GAB2: variants seen among roughly 807,000 people sequenced by gnomAD.
The protein encoded by GAB2 is GRB2 associated binding protein 2.
GAB2 carries 26 observed loss-of-function variants against 65.5 expected under a neutral mutation model. The observed-to-expected ratio is 0.40, with a 90% CI of 0.29 to 0.55. The LOEUF is 0.55. GAB2 is among the 20% of genes least tolerant of loss of function. The pLI is 0.53. For missense variants in GAB2, 884 were observed against 875.8 expected (o/e 1.01, Z -0.12); for synonymous variants, 321 against 329.6 (o/e 0.97, Z 0.28).
intron 1 of GAB2, among the ~76,000 whole-genome samples, chr11:78,355,612 G>C: frequency 6.7e-6 from 1 of 149,236 alleles, no homozygotes; most frequent in African/African-American, 2.5e-5. Context: ...AGGAGTCCGA[G>C]GCTATAGTGA....
chr11:78,283,021 T>C (rs1866374386), intron 1 of GAB2, among the ~76,000 whole-genome samples: 1 of 152,228 alleles, frequency 6.6e-6, no homozygotes, highest in Admixed American at 6.5e-5. Flanking sequence ...GAAAATCATA[T>C]GACCATGCTG....
At chr11:78,236,608 G>A (rs893402066) in intron 3 of GAB2, among the ~76,000 whole-genome samples, 4 of 152,196 alleles carry the variant, frequency 2.6e-5, no homozygotes, top group Non-Finnish European at 5.9e-5. Context: ...GGGTTCCTTA[G>A]AAGTCCTTTA....
intron 2 of GAB2, among the ~76,000 whole-genome samples, chr11:78,269,664 T>TA (rs1865961577): frequency 6.6e-6 from 1 of 152,212 alleles, no homozygotes. Flanking sequence ...ACCCAGGACT[T>TA]AAAATAATTT....
chr11:78,378,819 T>C (rs963742721), intron 1 of GAB2, among the ~76,000 whole-genome samples: 4 of 152,218 alleles, frequency 2.6e-5, no homozygotes, highest in Non-Finnish European at 4.4e-5. Flanking sequence ...CCAAATCATA[T>C]GGCAGAATAG....
At chr11:78,291,592 G>A (rs1305253976) in intron 1 of GAB2, among the ~76,000 whole-genome samples, 6 of 56,750 alleles carry the variant, frequency 1.1e-4, no homozygotes, top group Admixed American at 2.8e-4. Flanking sequence ...TTTTTTTTGC[G>A]ACAGGGTCTC....
At chr11:78,301,613 G>A (rs867429864) in intron 1 of GAB2, among the ~76,000 whole-genome samples, 5 of 152,144 alleles carry the variant, frequency 3.3e-5, no homozygotes, top group African/African-American at 7.2e-5. Context: ...GATTACAGGC[G>A]TGAGCCACCG....
intron 2 of GAB2, among the ~76,000 whole-genome samples, chr11:78,266,214 CAAAAAA>C (rs11445907): frequency 4.6e-5 from 3 of 65,052 alleles, no homozygotes; most frequent in African/African-American, 1.2e-4. Flanking sequence ...GACTCCATCT[CAAAAAA>C]AAAAAAAAAA....
chr11:78,374,834 T>G (rs1479808888), intron 1 of GAB2, among the ~76,000 whole-genome samples: 2 of 152,196 alleles, frequency 1.3e-5, no homozygotes, highest in Non-Finnish European at 1.5e-5. Flanking sequence ...GGGTTTATTC[T>G]ATGCATAAAA....
chr11:78,383,587 A>AAAAAAAAAAAAAAAAAAAAAT (rs1856726319), intron 1 of GAB2, among the ~76,000 whole-genome samples: 3 of 149,146 alleles, frequency 2.0e-5, no homozygotes, highest in South Asian at 2.2e-4. Context: ...TCTCCAAAAA[A>AAAAAAAAAAAAAAAAAAAAAT]AAAAAAAAAA....
chr11:78,311,567 A>T (rs1390180436), intron 1 of GAB2, among the ~76,000 whole-genome samples: 1 of 152,204 alleles, frequency 6.6e-6, no homozygotes, highest in Non-Finnish European at 1.5e-5. Flanking sequence ...ATTACACCAA[A>T]AGTAATAAAT....
intron 1 of GAB2, chr11:78,363,973 G>C (rs1220524812): frequency 6.6e-6 from 1 of 152,024 alleles, no homozygotes; most frequent in African/African-American, 2.4e-5. Flanking sequence ...CAGACCTAAG[G>C]GAAAGGTTCT....
At chr11:78,317,670 C>T (rs1317981321) in intron 1 of GAB2, among the ~76,000 whole-genome samples, 4 of 151,230 alleles carry the variant, frequency 2.6e-5, no homozygotes, top group African/African-American at 9.7e-5. Context: ...ATATATTAAG[C>T]ATTCAGCAAA....
Position 78,225,112 on chromosome 11 carries a change from A to G in GAB2, c.1298T>C (p.Phe433Ser), listed in dbSNP as rs1460860383. The change falls in exon 5 of 10, where the codon TTC (phenylalanine) becomes TCC (serine). Residue 433 changes from phenylalanine to serine, a missense_variant. Physicochemically the swap from Phe to Ser is radical, Grantham distance 155. Transcript: ENST00000361507. ...CTTGGGTTAACCCACACTCACCAGG[A>G]AAGAGCCAACTCCATCACTCATGGA... ...AESMSDGVGS[F>S]LPGKMIVGRS... 3 of 1,609,494 alleles carry G rather than the reference A, an allele frequency of 1.9e-6. No homozygotes were observed. The highest frequency in any genetic ancestry group is 1.1e-5 in the South Asian group (1 of 90,996).
intron 3 of GAB2, among the ~76,000 whole-genome samples, chr11:78,247,250 G>T (rs550436257): frequency 7.0e-4 from 106 of 152,216 alleles, no homozygotes; most frequent in African/African-American, 2.4e-3. Flanking sequence ...GAGTCTTTGG[G>T]TATTGCACTT....
chr11:78,263,116 T>C (rs1221662040), intron 2 of GAB2, among the ~76,000 whole-genome samples: 2 of 152,230 alleles, frequency 1.3e-5, no homozygotes, highest in Admixed American at 1.3e-4. Context: ...CTTCAAAATA[T>C]TAGCATCTAA....
At chr11:78,401,212 C>CTGT (rs1369510315) in intron 1 of GAB2, among the ~76,000 whole-genome samples, 2 of 152,078 alleles carry the variant, frequency 1.3e-5, no homozygotes, top group Non-Finnish European at 2.9e-5. Context: ...ATTCACATTG[C>CTGT]TGTTGCCACC....
intron 1 of GAB2, among the ~76,000 whole-genome samples, chr11:78,399,774 T>A (rs1384986844): frequency 6.6e-6 from 1 of 152,222 alleles, no homozygotes; most frequent in Non-Finnish European, 1.5e-5. Context: ...CCCCCAGTAC[T>A]TAATACTCTG....
At chr11:78,361,805 C>T (rs1412850883) in intron 1 of GAB2, among the ~76,000 whole-genome samples, 2 of 152,124 alleles carry the variant, frequency 1.3e-5, no homozygotes, top group African/African-American at 4.8e-5. Flanking sequence ...GGCAAAATTA[C>T]ATATAATCTA....
chr11:78,384,550 C>T (rs570256000), intron 1 of GAB2, among the ~76,000 whole-genome samples: 1 of 152,334 alleles, frequency 6.6e-6, no homozygotes, highest in African/African-American at 2.4e-5. Context: ...GCATCATCCA[C>T]AGCTTGCCAA....
Sources: allele counts gnomAD v4.1 joint callset (sites outside exome capture counted in the v4.1 genomes callset), GRCh38; gene constraint gnomAD v4.1.1; transcripts MANE v1.5; gene names NCBI Gene and HGNC (gene_info 2026-07-23, HGNC 2026-07-21).